The following POFUT3 variants were observed in gnomAD, a reference collection of about 807,000 sequenced individuals.
POFUT3 encodes the protein GDP-fucose protein O-fucosyltransferase 3.
the POFUT3 span, among the ~76,000 whole-genome samples, chr8:33,422,699 G>T: frequency 6.6e-6 from 1 of 152,048 alleles, no homozygotes; most frequent in African/African-American, 2.4e-5. Flanking sequence ...GCTTGGCATG[G>T]AGTGTTCAAG....
chr8:33,384,557 C>T, the POFUT3 span, among the ~76,000 whole-genome samples: 3 of 152,126 alleles, frequency 2.0e-5, no homozygotes, highest in Non-Finnish European at 2.9e-5. Context: ...TGGTGGCTCA[C>T]ATCTGTAATC....
At chr8:33,361,078 T>C in the POFUT3 span, 1 of 152,218 alleles carries the variant, frequency 6.6e-6, no homozygotes, top group African/African-American at 2.4e-5. Flanking sequence ...GTGTGTGAAC[T>C]ATATACATGA....
the POFUT3 span, among the ~76,000 whole-genome samples, chr8:33,407,243 T>C: frequency 6.6e-6 from 1 of 152,178 alleles, no homozygotes; most frequent in Non-Finnish European, 1.5e-5. Context: ...AGCTAATGAA[T>C]TATTTCAGCT....
At chr8:33,457,755 A>C in the POFUT3 span, among the ~76,000 whole-genome samples, 3 of 152,162 alleles carry the variant, frequency 2.0e-5, no homozygotes, top group Admixed American at 2.0e-4. Flanking sequence ...CTATTTATGC[A>C]ACTAAAAAGT....
At chr8:33,423,758 T>G in the POFUT3 span, among the ~76,000 whole-genome samples, 2 of 143,080 alleles carry the variant, frequency 1.4e-5, no homozygotes, top group Admixed American at 1.6e-4. Flanking sequence ...AGTATAGATT[T>G]TGAATCTACC....
At chr8:33,355,808 C>T in the POFUT3 span, among the ~76,000 whole-genome samples, 66 of 152,226 alleles carry the variant, frequency 4.3e-4, 1 homozygote, top group African/African-American at 1.5e-3. Context: ...TCTCCTAATG[C>T]TATCCCTCGC....
At chr8:33,429,762 G>A in the POFUT3 span, among the ~76,000 whole-genome samples, 1 of 152,074 alleles carries the variant, frequency 6.6e-6, no homozygotes, top group Admixed American at 6.5e-5. Context: ...TTGGGAAGCC[G>A]AGATGGGCGG....
At chr8:33,445,025 C>T in the POFUT3 span, among the ~76,000 whole-genome samples, 2 of 150,938 alleles carry the variant, frequency 1.3e-5, no homozygotes, top group African/African-American at 2.4e-5. Flanking sequence ...CCTCCACCTC[C>T]CAGGCTTAAG....
At chr8:33,355,043 T>G in the POFUT3 span, among the ~76,000 whole-genome samples, 1 of 152,184 alleles carries the variant, frequency 6.6e-6, no homozygotes, top group Non-Finnish European at 1.5e-5. Flanking sequence ...GTACCCACAA[T>G]GGAGAAATGG....
At chr8:33,395,008 C>T in the POFUT3 span, among the ~76,000 whole-genome samples, 1 of 152,142 alleles carries the variant, frequency 6.6e-6, no homozygotes, top group Non-Finnish European at 1.5e-5. Flanking sequence ...ATGCTATGCT[C>T]CTTATTGTAT....
chr8:33,349,947 T>A, the POFUT3 span, among the ~76,000 whole-genome samples: 1 of 152,162 alleles, frequency 6.6e-6, no homozygotes, highest in African/African-American at 2.4e-5. Context: ...TAACATCTAA[T>A]TTTTTTAATT....
At chr8:33,469,886 C>T in the POFUT3 span, among the ~76,000 whole-genome samples, 1 of 136,656 alleles carries the variant, frequency 7.3e-6, no homozygotes, top group South Asian at 2.3e-4. Flanking sequence ...ATCTCTGCCT[C>T]CCGAGTTCAG....
chr8:33,420,723 T>C, the POFUT3 span, among the ~76,000 whole-genome samples: 1 of 152,112 alleles, frequency 6.6e-6, no homozygotes, highest in African/African-American at 2.4e-5. Context: ...GAATAAGTTC[T>C]CATGTTCTAA....
the POFUT3 span, among the ~76,000 whole-genome samples, chr8:33,422,133 T>A: frequency 6.6e-6 from 1 of 152,032 alleles, no homozygotes; most frequent in African/African-American, 2.4e-5. Context: ...TACTTTTTGA[T>A]AAAATCACAT....
the POFUT3 span, among the ~76,000 whole-genome samples, chr8:33,432,019 T>TA: frequency 6.6e-6 from 1 of 152,152 alleles, no homozygotes; most frequent in Admixed American, 6.6e-5. Context: ...CTTATGCCTA[T>TA]AATCCTAGCA....
chr8:33,324,724 C>T, the POFUT3 span, among the ~76,000 whole-genome samples: 115 of 151,428 alleles, frequency 7.6e-4, no homozygotes, highest in Middle Eastern at 3.4e-3. Context: ...ACCCCCCCAA[C>T]CCCACTCTTC....
the POFUT3 span, among the ~76,000 whole-genome samples, chr8:33,455,409 AG>A: frequency 1.3e-5 from 2 of 152,170 alleles, no homozygotes; most frequent in Non-Finnish European, 2.9e-5. Context: ...CTATAGTCCC[AG>A]CTACTCAGGA....
the POFUT3 span, among the ~76,000 whole-genome samples, chr8:33,362,217 C>T: frequency 6.6e-6 from 1 of 152,072 alleles, no homozygotes; most frequent in Non-Finnish European, 1.5e-5. Context: ...CAAGCAAATG[C>T]TGAGAGATTT....
the POFUT3 span, chr8:33,461,386 G>A: frequency 6.2e-7 from 1 of 1,611,048 alleles, no homozygotes; most frequent in Admixed American, 1.7e-5. Flanking sequence ...AGTGTGACAA[G>A]CAGAAAGACG....
Sources: gnomAD v4.1 joint callset for allele counts (sites outside exome capture counted in the v4.1 genomes callset) on GRCh38, gnomAD v4.1.1 for gene constraint, MANE v1.5 for transcripts, NCBI Gene and HGNC (gene_info 2026-07-23, HGNC 2026-07-21) for gene names.